ANKRD23: variants seen among roughly 807,000 people sequenced by gnomAD.
The protein encoded by ANKRD23 is ankyrin repeat domain-containing protein 23.
Under a neutral mutation model 38.1 loss-of-function variants are expected in ANKRD23, and 52 were observed. The observed-to-expected ratio is 1.36, with a 90% CI of 1.09 to 1.72. The LOEUF (loss-of-function observed/expected upper bound fraction) is 1.72, where lower values mean the gene tolerates loss of function less well. Among genes scored for constraint, ANKRD23 ranks in the 40% most tolerant of loss-of-function variants. The pLI is 0.00. For missense variants in ANKRD23, 416 were observed against 400.2 expected (o/e 1.04, Z -0.34); for synonymous variants, 167 against 162.9 (o/e 1.03, Z -0.19).
intron 3 of ANKRD23, among the ~76,000 whole-genome samples, chr2:96,841,598 CAAAAAAAAAAAA>C (rs564581027): frequency 6.6e-4 from 24 of 36,106 alleles, no homozygotes; most frequent in Admixed American, 2.1e-3. Context: ...GACTCCGTCT[CAAAAAAAAAAAA>C]AAAAAAAAAA....
At position 96,839,158 on chromosome 2, in the gene ANKRD23, C is replaced by T; in HGVS notation, c.*391G>A. ...GCCCTGGAGAGAGCAAGGCAAGCCC[C>T]CTAACCTGGGACAAGTGGACACTGA... On this transcript the variant is annotated 3_prime_UTR_variant, in exon 9 of 9. Coordinates refer to ENST00000318357, the MANE Select transcript of ANKRD23 (RefSeq NM_144994.8). 1 of 1,013,702 alleles carries T rather than the reference C, an allele frequency of 9.9e-7. No individual in the cohort carries two copies. The highest frequency in any genetic ancestry group is 1.2e-6 in the Non-Finnish European group (1 of 849,134). 62.8% of individuals were successfully genotyped at this position (1,013,702 alleles called of 1,614,324 possible).
rs2153358394 is a variant in ANKRD23, at chr2:96,839,425, C to A, written c.*124G>T. On this transcript the variant is annotated 3_prime_UTR_variant, in exon 9 of 9. Transcript: ENST00000318357. ...TTCAGTTCTGCCAGGGCTGCTGAGG[C>A]GGCACAGGCCAGAGAGGGAGGAACC... 1 of 1,296,274 alleles carries A rather than the reference C, an allele frequency of 7.7e-7. No individual in the cohort carries two copies. Among genetic ancestry groups the A allele is most frequent in the Non-Finnish European group, 9.7e-7 (1 of 1,026,422 alleles). 80.3% of individuals were successfully genotyped at this position (1,296,274 alleles called of 1,614,324 possible).
chr2:96,842,721 G>T (rs947490928), intron 1 of ANKRD23, among the ~76,000 whole-genome samples: 13 of 152,350 alleles, frequency 8.5e-5, no homozygotes, highest in Middle Eastern at 3.4e-3. Context: ...TGTGTCATCA[G>T]CTGACACCCA....
In ANKRD23 at chr2:96,840,816, C is replaced by T; in HGVS notation, c.397G>A (p.Asp133Asn). The T allele has an allele frequency of 6.2e-7, 1 of 1,614,254 alleles. No individual in the cohort carries two copies. Among genetic ancestry groups the T allele is most frequent in the Non-Finnish European group, 8.5e-7 (1 of 1,180,044 alleles). Residue 133 changes from aspartate (D) to asparagine (N), a missense_variant, in exon 4 of 9, where the codon GAC becomes AAC. Asp to Asn is a conservative substitution (Grantham distance 23). Transcript: ENST00000318357. ...TCATGGGCATTGGGGTCCCCTCCGT[C>T]TGTCAAGTACTTGTCAATCAGGTAC... ...QEYLIDKYLT[D>N]GGDPNAHDKL...
At chr2:96,841,855 G>A (rs1453421515) in intron 3 of ANKRD23, among the ~76,000 whole-genome samples, 1 of 152,214 alleles carries the variant, frequency 6.6e-6, no homozygotes, top group Non-Finnish European at 1.5e-5. Context: ...GGTGACACAT[G>A]CCTGCTGTTG....
chr2:96,841,747 A>G (rs1051256432), intron 3 of ANKRD23, among the ~76,000 whole-genome samples: 1 of 152,156 alleles, frequency 6.6e-6, no homozygotes, highest in Non-Finnish European at 1.5e-5. Flanking sequence ...CATCCACCAG[A>G]AGCCGGAGAG....
rs1311735030 is a variant in ANKRD23 at position 96,838,266 on chromosome 2, C to G, written c.*1283G>C. 2 of 836,908 alleles carry G rather than the reference C, an allele frequency of 2.4e-6. No individual in the cohort carries two copies. Among genetic ancestry groups the G allele is most frequent in the African/African-American group, 3.7e-5 (2 of 54,038 alleles). The allele number at this position is 836,908 out of a possible 1,614,324, so 51.8% of individuals were successfully genotyped here. On this transcript the variant is annotated 3_prime_UTR_variant, in exon 9 of 9. Transcript: ENST00000318357. ...TAACCCAGGACCCATGTGAGGGAGG[C>G]TGAGCCTTCACCTTTCAGCCCTTCC...
chr2:96,842,077 G>C lies in ANKRD23; in HGVS notation c.283C>G (p.Pro95Ala). The change falls in exon 3 of 9, where the codon CCT becomes GCT. Residue 95 changes from proline to alanine, a missense_variant. Coordinates refer to ENST00000318357, the MANE Select transcript of ANKRD23 (RefSeq NM_144994.8). The part of the protein sequence containing the change: ...RLRHRVPPRK[P>A]EPLVKPQSQA... ...CCACTCACCTTAACCAGGGGCTCAG[G>C]TTTCCTGGGGGGGACTCTGTGTCTC... 1 of 1,614,118 alleles carries C rather than the reference G, an allele frequency of 6.2e-7. No individual in the cohort carries two copies. Among genetic ancestry groups the C allele is most frequent in the Non-Finnish European group, 8.5e-7 (1 of 1,180,034 alleles).
intron 3 of ANKRD23, among the ~76,000 whole-genome samples, chr2:96,841,815 C>G (rs1296984520): frequency 2.6e-5 from 4 of 152,206 alleles, no homozygotes; most frequent in Admixed American, 6.5e-5. Flanking sequence ...CAACACCTTC[C>G]TGTTAGCCTT....
chr2:96,839,861 G>C, intron 7 of ANKRD23, 36 bp from the exon 8 acceptor site: 1 of 1,590,776 alleles, frequency 6.3e-7, no homozygotes, highest in Non-Finnish European at 8.6e-7. Context: ...TTCTGCCTCC[G>C]CGTGCTGCCC....
chr2:96,841,914 T>A, intron 3 of ANKRD23, 146 bp downstream of exon 3: 1 of 1,189,044 alleles, frequency 8.4e-7, no homozygotes, highest in East Asian at 2.5e-5. Context: ...GGCGGACACA[T>A]CCGCGGGGGC....
chr2:96,841,453 G>A (rs2079759511), intron 3 of ANKRD23, among the ~76,000 whole-genome samples: 1 of 152,078 alleles, frequency 6.6e-6, no homozygotes, highest in East Asian at 1.9e-4. Flanking sequence ...AAAAAAATTA[G>A]CCGGGCGTGG....
intron 2 of ANKRD23, 37 bp from the exon 3 acceptor site, chr2:96,842,222 G>A (rs1410267680): frequency 6.8e-6 from 11 of 1,612,900 alleles, no homozygotes; most frequent in African/African-American, 2.7e-5. Context: ...GCCATCAGCC[G>A]CTGGTCAAGA....
intron 3 of ANKRD23, 164 bp from the exon 4 acceptor site, chr2:96,841,076 A>C: frequency 1.2e-6 from 1 of 813,330 alleles, no homozygotes; most frequent in Non-Finnish European, 1.9e-6. Flanking sequence ...AGGAGATTGA[A>C]TAGACTGTGT....
In ANKRD23 at chr2:96,842,160, A is replaced by C; in HGVS notation, c.200T>G (p.Phe67Cys). Reference protein sequence around the residue: ...KKLERFNSTRFNLDNLADLEN... With the variant: ...KKLERFNSTRCNLDNLADLEN... ...CAAGTCAGCCAGGTTATCCAGATTA[A>C]ATCTGGTACTGTTAAATCTTTCAAG... The change falls in exon 3 of 9, where the codon TTT becomes TGT. Residue 67 changes from phenylalanine (F) to cysteine (C), a missense_variant. Coordinates refer to ENST00000318357, the MANE Select transcript of ANKRD23 (RefSeq NM_144994.8). 1 of 1,614,164 alleles carries C rather than the reference A, an allele frequency of 6.2e-7. No homozygotes were observed. The highest frequency in any genetic ancestry group is 2.2e-5 in the East Asian group (1 of 44,882).
intron 2 of ANKRD23, 24 bp from the exon 3 acceptor site, chr2:96,842,209 C>G (rs747487070): frequency 6.2e-7 from 1 of 1,613,568 alleles, no homozygotes; most frequent in Admixed American, 1.7e-5. Flanking sequence ...CAAGACCATG[C>G]CAGCCATCAG....
chr2:96,841,164 A>C, intron 3 of ANKRD23: 1 of 439,260 alleles, frequency 2.3e-6, no homozygotes, highest in South Asian at 3.1e-5. Flanking sequence ...GGTACCTCAG[A>C]ATGTGACCTT....
At position 96,840,106 on chromosome 2, in the gene ANKRD23, G is replaced by T; in HGVS notation, c.625-11C>A. 1.3e-6 allele frequency: 2 copies of T among 1,551,484 alleles called. No individual in the cohort carries two copies. Among genetic ancestry groups the T allele is most frequent in the Non-Finnish European group, 8.7e-7 (1 of 1,147,002 alleles). ...GGGGGTGCTCCCGATCTGAGAGCAA[G>T]TGGGGGTCAGTGCTGGGTCTGGATT... On this transcript the variant is annotated splice_polypyrimidine_tract_variant and intron_variant, in intron 6 of 8. Transcript: ENST00000318357.
At chr2:96,841,460 G>T (rs185841610) in intron 3 of ANKRD23, among the ~76,000 whole-genome samples, 2 of 151,922 alleles carry the variant, frequency 1.3e-5, no homozygotes, top group Non-Finnish European at 2.9e-5. Flanking sequence ...TTAGCCGGGC[G>T]TGGTGGCGGG....
Sources: gnomAD v4.1 joint callset for allele counts (sites outside exome capture counted in the v4.1 genomes callset) on GRCh38, gnomAD v4.1.1 for gene constraint, MANE v1.5 for transcripts, NCBI Gene and HGNC (gene_info 2026-07-23, HGNC 2026-07-21) for gene names.